Variants in PHACTR2 observed in about 807,000 individuals in gnomAD.
PHACTR2 encodes the protein chromosome 6 open reading frame 56.
A neutral mutation model predicts 76.0 loss-of-function variants in PHACTR2; 30 were observed. The observed-to-expected ratio is 0.39, with a 90% CI of 0.30 to 0.54. PHACTR2 has a LOEUF of 0.54. PHACTR2 is among the 20% of genes least tolerant of loss of function. The probability of loss-of-function intolerance (pLI) is 0.61; values close to 1 mark genes in which losing one functional copy is unlikely to be tolerated. For synonymous variants in PHACTR2, 292 were observed against 292.5 expected, an observed-to-expected ratio of 1.00 and a Z score of 0.02; for missense variants, 696 against 781.1, an observed-to-expected ratio of 0.89 and a Z score of 1.30.
Position 143,765,739 on chromosome 6 carries a change from G to A in PHACTR2, c.1173G>A (p.Thr391=), listed in dbSNP as rs751320429. 51 of 1,614,070 alleles carry A rather than the reference G, an allele frequency of 3.2e-5. No individual in the cohort carries two copies. The highest frequency in any genetic ancestry group is 8.8e-5 in the South Asian group (8 of 91,082). Residue 391 remains threonine (T), a synonymous_variant, in exon 6 of 13, where the codon ACG becomes ACA. Coordinates refer to ENST00000440869, the MANE Select transcript of PHACTR2 (RefSeq NM_001100164.2). The surrounding 1 kb of genome is among the most constrained non-coding windows in gnomAD (Gnocchi z 4.1). ...PSQLLWAEEP[T]NRTTLYSGTG... is the part of the protein sequence containing the mutation. ...AGCTTCTTTGGGCTGAAGAGCCGAC[G>A]AACAGAACCACTCTCTACTCAGGCA...
rs1554217733 is a variant in PHACTR2, at chr6:143,648,946, T to TTGTGTGTGTCTGTATGTGTGTCTG, written c.13+40637_13+40638insATGTGTGTCTGTGTGTGTGTCTGT. On this transcript the variant is annotated intron_variant, in intron 1 of 11. Coordinates refer to the PHACTR2 transcript ENST00000305766. This position sits in a 1 kb window ranked among gnomAD's most constrained non-coding sequence, Gnocchi z 6.7. ...TGTGTATGTCTATGTCTATGTATGT[T>TTGTGTGTGTCTGTATGTGTGTCTG]TGTGTGTGTCTGTGTGTCTATGTGT... 6.7e-6 allele frequency among the ~76,000 whole-genome samples: 1 copy of TTGTGTGTGTCTGTATGTGTGTCTG among 150,242 alleles called. No individual in the cohort carries two copies. The highest frequency in any genetic ancestry group is 2.0e-4 in the East Asian group (1 of 5,092).
chr6:143,606,250 G>A (rs560544185), upstream of PHACTR2, among the ~76,000 whole-genome samples: 4 of 91,876 alleles, frequency 4.4e-5, no homozygotes, highest in Non-Finnish European at 7.3e-5. Flanking sequence ...ATTTTGGAGC[G>A]AAACTTACAA....
chr6:143,745,817 T>C (rs1021033949), intron 2 of PHACTR2, among the ~76,000 whole-genome samples: 1 of 152,182 alleles, frequency 6.6e-6, no homozygotes, highest in Non-Finnish European at 1.5e-5. Context: ...CATTTTCCTA[T>C]CAGAGCCTGT....
rs139452019 is a variant in PHACTR2, at chr6:143,787,188, C to T, written c.1708-1585C>T. 1.3e-3 allele frequency among the ~76,000 whole-genome samples: 194 copies of T among 152,342 alleles called. 1 individual carries two copies. The East Asian group carries it at 0.021, about 17-fold the overall frequency. ...GCTCCATGCCGTAGGTGCAGGTCAG[C>T]CCGTAGCACTGGTAGCTACCCCATG... On this transcript the variant is annotated intron_variant, in intron 10 of 12. Transcript: ENST00000440869. This position sits in a 1 kb window ranked among gnomAD's most constrained non-coding sequence, Gnocchi z 4.6.
In PHACTR2 at chr6:143,694,113, AGAAGGAAGGAAAGAAG is replaced by A. The variant is rs1247264564; in HGVS notation, c.46+15916_46+15931del. On this transcript the variant is annotated intron_variant, in intron 1 of 12. Coordinates refer to ENST00000440869, the MANE Select transcript of PHACTR2 (RefSeq NM_001100164.2). ...AGGAGGGAAAGAAGGAAGGGAGGGA[AGAAGGAAGGAAAGAAG>A]GAAGGAAGGAAGGAAGGAAGGCCTG... 2.2e-5 allele frequency among the ~76,000 whole-genome samples: 3 copies of A among 136,882 alleles called. No homozygotes were observed. The East Asian group carries it at 7.7e-4, about 35-fold the overall frequency. 89.8% of individuals were successfully genotyped at this position (136,882 alleles called of 152,430 possible).
Position 143,625,375 on chromosome 6 carries a change from ATATT to A in PHACTR2, c.13+17056_13+17059del, listed in dbSNP as rs1405735876. ...CCTGTACAGTTTATTCAAAAAATAA[ATATT>A]TAAGTTATAAATTTATTAGTTATTT... is the stretch of plus-strand genomic sequence containing the variant. On this transcript the variant is annotated intron_variant, in intron 1 of 11. Transcript: ENST00000305766. The surrounding 1 kb of genome is among the most constrained non-coding windows in gnomAD (Gnocchi z 4.3). 7.9e-5 allele frequency among the ~76,000 whole-genome samples: 12 copies of A among 152,192 alleles called. No homozygotes were observed. Among genetic ancestry groups the A allele is most frequent in the Admixed American group, 7.2e-4 (11 of 15,274 alleles).
chr6:143,565,963 G>C (rs961000657), intron 1 of PHACTR2, among the ~76,000 whole-genome samples: 21 of 152,200 alleles, frequency 1.4e-4, no homozygotes, highest in African/African-American at 4.8e-4. Flanking sequence ...TAGAGGGTAG[G>C]GGCATGGGCA....
chr6:143,736,402 A>G (rs1582824887), intron 2 of PHACTR2, among the ~76,000 whole-genome samples: 1 of 152,042 alleles, frequency 6.6e-6, no homozygotes, highest in African/African-American at 2.4e-5. Context: ...TAATCCCTAT[A>G]CTATGCTGCC....
chr6:143,649,874 A>G (rs1776727322), intron 1 of PHACTR2, among the ~76,000 whole-genome samples: 1 of 152,208 alleles, frequency 6.6e-6, no homozygotes, highest in Non-Finnish European at 1.5e-5. Context: ...AATAAAGGGT[A>G]TCCAAACAGG....
chr6:143,589,839 A>G lies in PHACTR2; in HGVS notation c.217+52632A>G, dbSNP rs1331604034. Among the ~76,000 whole-genome samples, 2 of 152,222 alleles carry G rather than the reference A, an allele frequency of 1.3e-5. No individual in the cohort carries two copies. The highest frequency in any genetic ancestry group is 2.9e-5 in the Non-Finnish European group (2 of 68,036). ...TGCAAACTATTTCATATTATAGAAG[A>G]TGACGATACACATCCCAGCTCATTC... On this transcript the variant is annotated intron_variant, in intron 1 of 11. Coordinates refer to the PHACTR2 transcript ENST00000367584. The surrounding 1 kb of genome is among the most constrained non-coding windows in gnomAD (Gnocchi z 4.4).
In PHACTR2 at chr6:143,662,676, C is replaced by A. The variant is rs1032945112; in HGVS notation, c.14-49340C>A. Among the ~76,000 whole-genome samples, 5 of 152,164 alleles carry A rather than the reference C, an allele frequency of 3.3e-5. No homozygotes were observed. The highest frequency in any genetic ancestry group is 1.2e-4 in the African/African-American group (5 of 41,430). On this transcript the variant is annotated intron_variant, in intron 1 of 11. Coordinates refer to the PHACTR2 transcript ENST00000305766. This position sits in a 1 kb window ranked among gnomAD's most constrained non-coding sequence, Gnocchi z 4.7. ...TGTTTCAGTTCTTATGACTACCAGG[C>A]AGTTTTGTTTTTCATCTTGAATTGT...
rs1399081310 is a variant in PHACTR2 at position 143,728,219 on chromosome 6, T to C, written c.214+16036T>C. Among the ~76,000 whole-genome samples the C allele has an allele frequency of 2.4e-3, 335 of 139,810 alleles. 1 individual carries two copies. Among genetic ancestry groups the C allele is most frequent in the African/African-American group, 8.5e-3 (322 of 37,736 alleles). The allele number at this position is 139,810 out of a possible 152,430, so 91.7% of individuals were successfully genotyped here. On this transcript the variant is annotated intron_variant, in intron 2 of 12. Transcript: ENST00000440869. ...TCTTTCCTTTTTTTTTTTCTTTCTT[T>C]TTTTTTTTTTTTTTTTGAGACAGGG...
rs1207434014 is a variant in PHACTR2, at chr6:143,754,817, G to A, written c.454+905G>A. On this transcript the variant is annotated intron_variant, in intron 4 of 12. Coordinates refer to ENST00000440869, the MANE Select transcript of PHACTR2 (RefSeq NM_001100164.2). This position sits in a 1 kb window ranked among gnomAD's most constrained non-coding sequence, Gnocchi z 6.2. ...CCTATTTTATAATGTCTGTCTCTAA[G>A]TTGAATGGTAAAATTTTGTCAAACC... is the stretch of plus-strand genomic sequence containing the variant. Among the ~76,000 whole-genome samples the A allele has an allele frequency of 6.6e-6, 1 of 152,140 alleles. No individual in the cohort carries two copies. Among genetic ancestry groups the A allele is most frequent in the African/African-American group, 2.4e-5 (1 of 41,390 alleles).
In PHACTR2 at chr6:143,655,647, C is replaced by T. The variant is rs190136342; in HGVS notation, c.13+47325C>T. 1.1e-4 allele frequency among the ~76,000 whole-genome samples: 17 copies of T among 152,216 alleles called. No homozygotes were observed. The South Asian group carries it at 1.2e-3, about 11-fold the overall frequency. ...CAAAGCAAAGATTTACAACTCTGTACGGAAGCCACAGATTTTGTAAGAAAA... is the reference window on the plus strand; with the variant it reads ...CAAAGCAAAGATTTACAACTCTGTATGGAAGCCACAGATTTTGTAAGAAAA... On this transcript the variant is annotated intron_variant, in intron 1 of 11. Coordinates refer to the PHACTR2 transcript ENST00000305766.
rs1215829258 is a variant in PHACTR2, at chr6:143,680,896, A to G, written c.46+2687A>G. Among the ~76,000 whole-genome samples the G allele has an allele frequency of 6.6e-6, 1 of 152,178 alleles. No individual in the cohort carries two copies. Among genetic ancestry groups the G allele is most frequent in the Non-Finnish European group, 1.5e-5 (1 of 68,008 alleles). ...TGACTGGCTTCTTTCAGTTAGCATA[A>G]TGTTTTCAAGGGTCATCCATGTTGT... is the stretch of plus-strand genomic sequence containing the variant. On this transcript the variant is annotated intron_variant, in intron 1 of 12. Transcript: ENST00000440869. This position sits in a 1 kb window ranked among gnomAD's most constrained non-coding sequence, Gnocchi z 4.5.
chr6:143,680,433 C>G lies in PHACTR2; in HGVS notation c.46+2224C>G, dbSNP rs1377326158. 6.6e-6 allele frequency among the ~76,000 whole-genome samples: 1 copy of G among 152,124 alleles called. No individual in the cohort carries two copies. The highest frequency in any genetic ancestry group is 1.5e-5 in the Non-Finnish European group (1 of 68,006). On this transcript the variant is annotated intron_variant, in intron 1 of 12. Transcript: ENST00000440869. This position sits in a 1 kb window ranked among gnomAD's most constrained non-coding sequence, Gnocchi z 4.5. The stretch of plus-strand genomic sequence containing the variant: ...GAAAATCTGTTTAAGTCAAAGGAAT[C>G]AATAGCACAGAGTTTAATTATTCAT...
In PHACTR2 at chr6:143,672,625, A is replaced by C. The variant is rs1391406913; in HGVS notation, c.14-39391A>C. ...GCACCTCTGTGTGGCAAAAATGTGG[A>C]TTTAGTAATTTGCTAAAGTTCAGAG... On this transcript the variant is annotated intron_variant, in intron 1 of 11. Transcript: ENST00000305766. This position sits in a 1 kb window ranked among gnomAD's most constrained non-coding sequence, Gnocchi z 5.8. Among the ~76,000 whole-genome samples the C allele has an allele frequency of 6.6e-6, 1 of 152,206 alleles. No homozygotes were observed. The highest frequency in any genetic ancestry group is 6.5e-5 in the Admixed American group (1 of 15,276).
chr6:143,667,539 C>G (rs1267638220), intron 1 of PHACTR2, among the ~76,000 whole-genome samples: 1 of 152,164 alleles, frequency 6.6e-6, no homozygotes, highest in Non-Finnish European at 1.5e-5. Flanking sequence ...TTTGTGTCCT[C>G]TCTTATTTCC....
At chr6:143,771,289 A>T (rs1260776967) in intron 6 of PHACTR2, among the ~76,000 whole-genome samples, 5 of 139,794 alleles carry the variant, frequency 3.6e-5, no homozygotes, top group African/African-American at 1.3e-4. Context: ...AGGCTGGAGT[A>T]CAGTGGTGCT....
Sources: gnomAD v4.1 joint callset for allele counts (sites outside exome capture counted in the v4.1 genomes callset) on GRCh38, gnomAD v4.1.1 for gene constraint, Gnocchi (gnomAD v3.1) non-coding constraint, MANE v1.5 for transcripts, NCBI Gene and HGNC (gene_info 2026-07-23, HGNC 2026-07-21) for gene names.